SEMA5A: variants seen among roughly 807,000 people sequenced by gnomAD.
SEMA5A encodes semaphorin-5A.
A neutral mutation model predicts 135.5 loss-of-function variants in SEMA5A; 55 were observed. The observed-to-expected ratio is 0.41, with a 90% CI of 0.33 to 0.51. The LOEUF is 0.51. SEMA5A is among the 20% of genes least tolerant of loss of function. The pLI is 0.37. For synonymous variants in SEMA5A, 580 were observed against 546.5 expected (o/e 1.06, Z -0.85); for missense variants, 1,290 against 1,419.9 (o/e 0.91, Z 1.47).
intron 3 of SEMA5A, among the ~76,000 whole-genome samples, chr5:9,358,320 T>C (rs1470772446): frequency 1.3e-5 from 2 of 152,138 alleles, no homozygotes; most frequent in African/African-American, 4.8e-5. Flanking sequence ...GTTCTAACTG[T>C]AGTGAGTGCT....
chr5:9,296,345 G>A (rs959017909), intron 5 of SEMA5A, among the ~76,000 whole-genome samples: 7 of 151,990 alleles, frequency 4.6e-5, no homozygotes, highest in Non-Finnish European at 8.8e-5. Flanking sequence ...GGTAAACTGC[G>A]ATTTGTCAAA....
chr5:9,140,758 C>T (rs746260934), intron 12 of SEMA5A, among the ~76,000 whole-genome samples: 14 of 152,164 alleles, frequency 9.2e-5, no homozygotes, highest in Non-Finnish European at 2.1e-4. Context: ...CATAGCGAGG[C>T]TACACTTAGA....
rs575256291 is a variant in SEMA5A, at chr5:9,181,701, G to A, written c.1273+8566C>T. ...ATAGAAACACGTTCCTCTGAGGTCC[G>A]GAAGGGATGCGACAGTGAGTATGTG... On this transcript the variant is annotated intron_variant, in intron 11 of 22. Transcript: ENST00000382496. Among the ~76,000 whole-genome samples the A allele has an allele frequency of 3.9e-5, 6 of 152,224 alleles. No homozygotes were observed. The South Asian group carries it at 6.2e-4, about 16-fold the overall frequency.
chr5:9,046,128 G>A (rs937906328), intron 21 of SEMA5A, among the ~76,000 whole-genome samples: 9 of 152,148 alleles, frequency 5.9e-5, no homozygotes, highest in African/African-American at 2.2e-4. Context: ...TGGGGTACTG[G>A]CCTCATGTGC....
intron 2 of SEMA5A, among the ~76,000 whole-genome samples, chr5:9,395,661 A>T (rs1756360416): frequency 6.6e-6 from 1 of 152,234 alleles, no homozygotes. Context: ...TGGTCCTCAA[A>T]GTGGCCCCCG....
intron 1 of SEMA5A, among the ~76,000 whole-genome samples, chr5:9,497,119 T>C (rs1208592472): frequency 3.3e-5 from 5 of 152,178 alleles, no homozygotes; most frequent in Admixed American, 2.0e-4. Context: ...GCACATTAGA[T>C]ACTTATAGGG....
chr5:9,530,805 C>T (rs1460075332), intron 1 of SEMA5A, among the ~76,000 whole-genome samples: 2 of 152,142 alleles, frequency 1.3e-5, no homozygotes, highest in African/African-American at 4.8e-5. Flanking sequence ...AATGGAATCA[C>T]CTGGAAAAGG....
At chr5:9,361,403 A>C (rs1483322519) in intron 3 of SEMA5A, among the ~76,000 whole-genome samples, 2 of 152,174 alleles carry the variant, frequency 1.3e-5, no homozygotes, top group Non-Finnish European at 2.9e-5. Flanking sequence ...TGGTTCTGTT[A>C]TACAGAAAGG....
At chr5:9,134,948 A>C (rs1245484350) in intron 13 of SEMA5A, among the ~76,000 whole-genome samples, 1 of 150,404 alleles carries the variant, frequency 6.6e-6, no homozygotes, top group East Asian at 1.9e-4. Context: ...AACCATTTTA[A>C]AGGGATTTTG....
At chr5:9,115,715 T>G (rs1290618489) in intron 15 of SEMA5A, among the ~76,000 whole-genome samples, 1 of 152,148 alleles carries the variant, frequency 6.6e-6, no homozygotes, top group Non-Finnish European at 1.5e-5. Context: ...GGGGTAGGGA[T>G]GTGAATGACT....
At chr5:9,430,861 C>A (rs1757833335) in intron 2 of SEMA5A, among the ~76,000 whole-genome samples, 2 of 146,836 alleles carry the variant, frequency 1.4e-5, no homozygotes, top group Non-Finnish European at 3.0e-5. Context: ...TTTTTTTTAG[C>A]AAAGAGGAGA....
intron 5 of SEMA5A, among the ~76,000 whole-genome samples, chr5:9,305,834 G>C (rs1434605493): frequency 6.6e-6 from 1 of 151,300 alleles, no homozygotes; most frequent in Non-Finnish European, 1.5e-5. Flanking sequence ...GGGAAATCTT[G>C]GTCCCCTGGT....
intron 14 of SEMA5A, among the ~76,000 whole-genome samples, chr5:9,122,231 C>T (rs1740849663): frequency 6.6e-6 from 1 of 152,184 alleles, no homozygotes. Flanking sequence ...AACGTTAGCT[C>T]AGGTGAGGTG....
Position 9,039,560 on chromosome 5 carries a change from A to G in SEMA5A, c.*3337T>C, listed in dbSNP as rs2150015350. The G allele has an allele frequency of 6.6e-6, 1 of 152,352 alleles. No homozygotes were observed. Among genetic ancestry groups the G allele is most frequent in the East Asian group, 1.9e-4 (1 of 5,192 alleles). The allele number at this position is 152,352 out of a possible 1,614,324, so 9.4% of individuals were successfully genotyped here. On this transcript the variant is annotated 3_prime_UTR_variant, in exon 23 of 23. Coordinates refer to ENST00000382496, the MANE Select transcript of SEMA5A (RefSeq NM_003966.3). ...AAATATGAATGGTAACTCTAGTGAG[A>G]GCCTACTTGAACAGGCTTAGGGAAC...
chr5:9,287,580 A>G (rs953009625), intron 5 of SEMA5A, among the ~76,000 whole-genome samples: 1 of 152,130 alleles, frequency 6.6e-6, no homozygotes, highest in African/African-American at 2.4e-5. Context: ...AATTATATCA[A>G]TTTTCTAATG....
chr5:9,335,119 AGAC>A (rs753207305), intron 4 of SEMA5A, among the ~76,000 whole-genome samples: 171 of 152,210 alleles, frequency 1.1e-3, no homozygotes, highest in Non-Finnish European at 2.0e-3. Context: ...ATTGGGATGG[AGAC>A]GACAGGGATG....
At chr5:9,323,657 CTT>C (rs35243676) in intron 4 of SEMA5A, among the ~76,000 whole-genome samples, 3 of 108,944 alleles carry the variant, frequency 2.8e-5, no homozygotes, top group African/African-American at 7.3e-5. Context: ...TCTTTTTTTC[CTT>C]TTTTTTTTTT....
rs866701605 is a variant in SEMA5A, at chr5:9,428,102, A to G, written c.-78+9654T>C. On this transcript the variant is annotated intron_variant, in intron 2 of 22. Transcript: ENST00000382496. ...TATATGTGTGTGTATATATATATAT[A>G]TATATATATATATATTCAACTCTAT... Among the ~76,000 whole-genome samples the G allele has an allele frequency of 3.8e-3, 557 of 147,192 alleles. 6 individuals are homozygous for G. The highest frequency in any genetic ancestry group is 0.013 in the African/African-American group (532 of 39,714).
chr5:9,086,749 T>C (rs1222356062), intron 16 of SEMA5A, among the ~76,000 whole-genome samples: 3 of 152,214 alleles, frequency 2.0e-5, no homozygotes, highest in African/African-American at 7.2e-5. Context: ...CTAAATGAAG[T>C]GATGACATCA....
Sources: allele counts gnomAD v4.1 joint callset (sites outside exome capture counted in the v4.1 genomes callset), GRCh38; gene constraint gnomAD v4.1.1; transcripts MANE v1.5; gene names NCBI Gene and HGNC (gene_info 2026-07-23, HGNC 2026-07-21).